The following PAPPA2 variants were observed in gnomAD, a reference collection of about 807,000 sequenced individuals.
The protein encoded by PAPPA2 is pappalysin 2.
PAPPA2 carries 86 observed loss-of-function variants against 176.4 expected under a neutral mutation model. The observed-to-expected ratio is 0.49, with a 90% CI of 0.41 to 0.58. The LOEUF is 0.58. PAPPA2 is among the 20% of genes least tolerant of loss of function. PAPPA2 has a pLI of 0.00. For synonymous variants in PAPPA2, 809 were observed against 852.2 expected (o/e 0.95, Z 0.88); for missense variants, 2,073 against 2,256.9 (o/e 0.92, Z 1.65).
At chr1:176,562,252 T>C (rs555137346) in intron 2 of PAPPA2, among the ~76,000 whole-genome samples, 1 of 152,232 alleles carries the variant, frequency 6.6e-6, no homozygotes, top group African/African-American at 2.4e-5. Context: ...AGAAATGAGA[T>C]TTCACAGAAT....
chr1:176,711,757 T>G, intron 11 of PAPPA2, 78 bp from the exon 12 acceptor site: 1 of 1,464,934 alleles, frequency 6.8e-7, no homozygotes, highest in Non-Finnish European at 9.4e-7. Context: ...AACTTTGCTT[T>G]GAGCTGGAGA....
At chr1:176,527,264 C>T (rs1649550152) in intron 1 of PAPPA2, among the ~76,000 whole-genome samples, 1 of 152,190 alleles carries the variant, frequency 6.6e-6, no homozygotes, top group African/African-American at 2.4e-5. Context: ...TGTGCAGAGT[C>T]CTATGTGACA....
Position 176,706,423 on chromosome 1 carries a change from G to A in PAPPA2, c.3430G>A (p.Glu1144Lys), listed in dbSNP as rs751198371. 6.2e-7 allele frequency: 1 copy of A among 1,613,672 alleles called. No homozygotes were observed. Among genetic ancestry groups the A allele is most frequent in the African/African-American group, 1.3e-5 (1 of 74,894 alleles). Residue 1144 changes from glutamate (E) to lysine (K), a missense_variant, in exon 10 of 23, where the codon GAG (glutamate) becomes AAG (lysine). Physicochemically the swap from Glu to Lys is moderately conservative, Grantham distance 56. This residue lies in a region of PAPPA2 where 846 missense variants were observed against 857.9 expected (regional missense o/e 0.99). Transcript: ENST00000367662. ...VSGDGCSKVC[E>K]LEEGFNCVGE... ...CGGAGATGGCTGCTCCAAGGTGTGT[G>A]AGCTGGAGGAAGGTTTCAACTGTGT... is the stretch of plus-strand genomic sequence containing the variant.
At chr1:176,658,172 C>T (rs549695375) in intron 3 of PAPPA2, among the ~76,000 whole-genome samples, 1 of 152,024 alleles carries the variant, frequency 6.6e-6, no homozygotes, top group African/African-American at 2.4e-5. Context: ...TGGTGCTGGC[C>T]ACACCTGGAG....
At chr1:176,514,091 T>C (rs1258073813) in intron 1 of PAPPA2, among the ~76,000 whole-genome samples, 2 of 152,220 alleles carry the variant, frequency 1.3e-5, no homozygotes, top group East Asian at 1.9e-4. Context: ...AAAGAATATC[T>C]GAGACTGGGT....
intron 1 of PAPPA2, among the ~76,000 whole-genome samples, chr1:176,527,265 C>T (rs1416581337): frequency 6.6e-6 from 1 of 152,192 alleles, no homozygotes; most frequent in African/African-American, 2.4e-5. Context: ...GTGCAGAGTC[C>T]TATGTGACAG....
chr1:176,752,538 A>G (rs1168727017), intron 14 of PAPPA2, among the ~76,000 whole-genome samples: 1 of 152,168 alleles, frequency 6.6e-6, no homozygotes, highest in Non-Finnish European at 1.5e-5. Flanking sequence ...TAATCAGTGA[A>G]TAATGTATAT....
chr1:176,558,188 G>A (rs1651440269), intron 2 of PAPPA2, among the ~76,000 whole-genome samples: 1 of 152,148 alleles, frequency 6.6e-6, no homozygotes, highest in South Asian at 2.1e-4. Flanking sequence ...AAAGCAAGGT[G>A]CACAGTAGAA....
intron 5 of PAPPA2, among the ~76,000 whole-genome samples, chr1:176,691,372 T>C (rs1660114154): frequency 6.6e-6 from 1 of 152,206 alleles, no homozygotes; most frequent in Non-Finnish European, 1.5e-5. Flanking sequence ...AAGATGTGTC[T>C]ATCTGAGTTT....
chr1:176,706,098 C>T (rs543653407), intron 9 of PAPPA2, among the ~76,000 whole-genome samples: 1 of 152,258 alleles, frequency 6.6e-6, no homozygotes, highest in South Asian at 2.1e-4. Flanking sequence ...CTAGATGTTT[C>T]TGAGCCATGA....
chr1:176,804,292 G>C (rs1460415813), intron 21 of PAPPA2, among the ~76,000 whole-genome samples: 4 of 152,128 alleles, frequency 2.6e-5, no homozygotes, highest in African/African-American at 9.7e-5. Flanking sequence ...CTCTAAGCCA[G>C]TGATTCTCAG....
At chr1:176,633,896 T>C (rs1023509150) in intron 3 of PAPPA2, among the ~76,000 whole-genome samples, 2 of 152,032 alleles carry the variant, frequency 1.3e-5, no homozygotes, top group Admixed American at 6.6e-5. Context: ...CAATGAGATA[T>C]CATCTCACAC....
At chr1:176,627,340 C>T (rs1656088932) in intron 3 of PAPPA2, among the ~76,000 whole-genome samples, 1 of 152,120 alleles carries the variant, frequency 6.6e-6, no homozygotes, top group African/African-American at 2.4e-5. Context: ...AAAAAGCTAT[C>T]TGAAAGAATT....
chr1:176,751,109 A>G (rs955598407), intron 14 of PAPPA2, among the ~76,000 whole-genome samples: 3 of 151,672 alleles, frequency 2.0e-5, no homozygotes, highest in African/African-American at 7.3e-5. Context: ...TCCTTTCCCC[A>G]TTGCTTGTTT....
At chr1:176,765,993 T>C (rs145656182) in intron 15 of PAPPA2, among the ~76,000 whole-genome samples, 156 bp downstream of exon 15, 1 of 152,306 alleles carries the variant, frequency 6.6e-6, no homozygotes, top group African/African-American at 2.4e-5. Context: ...GATGGCTTAA[T>C]AGAAATGCAA....
At chr1:176,825,424 C>A (rs1666819780) in intron 21 of PAPPA2, among the ~76,000 whole-genome samples, 1 of 152,158 alleles carries the variant, frequency 6.6e-6, no homozygotes, top group South Asian at 2.1e-4. Context: ...TTGCCTTATT[C>A]TTTTATCTTT....
chr1:176,517,813 C>T (rs1457326364), intron 1 of PAPPA2, among the ~76,000 whole-genome samples: 1 of 152,104 alleles, frequency 6.6e-6, no homozygotes, highest in East Asian at 1.9e-4. Context: ...GGGTGACTGG[C>T]CACCTTCGAC....
intron 14 of PAPPA2, among the ~76,000 whole-genome samples, chr1:176,753,837 C>A (rs1158587381): frequency 6.6e-6 from 1 of 151,948 alleles, no homozygotes; most frequent in Non-Finnish European, 1.5e-5. Flanking sequence ...TATAGCTGTT[C>A]AACTGCTCCC....
intron 17 of PAPPA2, among the ~76,000 whole-genome samples, chr1:176,778,201 G>A (rs758989786): frequency 2.1e-4 from 32 of 152,028 alleles, no homozygotes; most frequent in Non-Finnish European, 3.8e-4. Flanking sequence ...AAAAAAAAAT[G>A]TACTATTCTC....
Sources: gnomAD v4.1 joint callset for allele counts (sites outside exome capture counted in the v4.1 genomes callset) on GRCh38, gnomAD v4.1.1 for gene constraint, gnomAD v4.1.1 regional missense constraint, MANE v1.5 for transcripts, NCBI Gene and HGNC (gene_info 2026-07-23, HGNC 2026-07-21) for gene names.